Variants in MRTFB observed in about 807,000 individuals in gnomAD.
MRTFB encodes myocardin-related transcription factor B.
In MRTFB, 29 loss-of-function variants were observed where a neutral mutation model predicts 104.2. The observed-to-expected ratio is 0.28, with a 90% CI of 0.21 to 0.38. The LOEUF is 0.38. Among genes scored for constraint, MRTFB ranks in the 10% least tolerant of loss-of-function variants. The probability of loss-of-function intolerance (pLI) is 1.00; values close to 1 mark genes in which losing one functional copy is unlikely to be tolerated. For missense variants in MRTFB, 1,270 were observed against 1,341.6 expected (o/e 0.95, Z 0.83); for synonymous variants, 535 against 519.5 (o/e 1.03, Z -0.41).
intron 3 of MRTFB, among the ~76,000 whole-genome samples, chr16:14,170,644 C>T (rs2150968816): frequency 6.6e-6 from 1 of 152,100 alleles, no homozygotes; most frequent in East Asian, 1.9e-4. Flanking sequence ...AACCATTATA[C>T]ATATATATCA....
At chr16:14,183,184 C>T (rs928010707) in intron 3 of MRTFB, among the ~76,000 whole-genome samples, 4 of 152,150 alleles carry the variant, frequency 2.6e-5, no homozygotes, top group African/African-American at 9.7e-5. Flanking sequence ...TGATAGGATG[C>T]AAAGATTGCA....
In MRTFB at chr16:14,261,506, A is replaced by T; in HGVS notation, c.*62A>T. ...AAGAACATGAAGATTCTAAAAGGTC[A>T]GTTTTTAGAGATAGATCTATAGTTG... On this transcript the variant is annotated 3_prime_UTR_variant, in exon 17 of 17. Transcript: ENST00000571589. 1 of 1,456,286 alleles carries T rather than the reference A, an allele frequency of 6.9e-7. No homozygotes were observed. Among genetic ancestry groups the T allele is most frequent in the Non-Finnish European group, 9.3e-7 (1 of 1,077,748 alleles). 90.2% of individuals were successfully genotyped at this position (1,456,286 alleles called of 1,614,324 possible).
At chr16:14,255,344 G>A (rs1314825541) in intron 15 of MRTFB, among the ~76,000 whole-genome samples, 1 of 152,194 alleles carries the variant, frequency 6.6e-6, no homozygotes, top group South Asian at 2.1e-4. Flanking sequence ...TCAAATTGTT[G>A]ACAAGACAGA....
At chr16:14,043,382 G>T in the MRTFB span, among the ~76,000 whole-genome samples, 3 of 151,662 alleles carry the variant, frequency 2.0e-5, no homozygotes, top group Admixed American at 2.0e-4. Flanking sequence ...AGAATGTGTG[G>T]TTAACACTCC....
intron 3 of MRTFB, among the ~76,000 whole-genome samples, chr16:14,182,633 T>C (rs998046656): frequency 6.6e-6 from 1 of 152,156 alleles, no homozygotes; most frequent in African/African-American, 2.4e-5. Flanking sequence ...CTGGGAACAG[T>C]GACACCCTTG....
At chr16:14,238,803 A>G (rs756822702) in intron 9 of MRTFB, among the ~76,000 whole-genome samples, 3 of 152,222 alleles carry the variant, frequency 2.0e-5, no homozygotes, top group Non-Finnish European at 4.4e-5. Flanking sequence ...TTAACAACCA[A>G]TCATTTCCAA....
intron 2 of MRTFB, among the ~76,000 whole-genome samples, chr16:14,081,817 GC>G (rs1262892594): frequency 1.4e-5 from 2 of 145,986 alleles, no homozygotes; most frequent in Non-Finnish European, 3.0e-5. Flanking sequence ...CTGGGCTCAA[GC>G]AGTCCACCCG....
intron 8 of MRTFB, among the ~76,000 whole-genome samples, chr16:14,220,307 T>C (rs973729617): frequency 1.3e-5 from 2 of 152,198 alleles, no homozygotes; most frequent in African/African-American, 4.8e-5. Context: ...GTTACACTTA[T>C]CCATTTGGGT....
chr16:14,195,671 A>C (rs754759609), intron 3 of MRTFB: 2 of 537,836 alleles, frequency 3.7e-6, no homozygotes, highest in Non-Finnish European at 4.7e-6. Flanking sequence ...ACGCATTTGT[A>C]TTAAGAAACA....
chr16:14,067,595 C>A (rs2033537359), upstream of MRTFB, among the ~76,000 whole-genome samples: 2 of 152,038 alleles, frequency 1.3e-5, no homozygotes, highest in Non-Finnish European at 2.9e-5. Context: ...TTATTTTTGC[C>A]TATGAAGTGA....
chr16:14,161,012 G>C (rs1273185566), intron 3 of MRTFB, among the ~76,000 whole-genome samples: 1 of 147,728 alleles, frequency 6.8e-6, no homozygotes, highest in Non-Finnish European at 1.5e-5. Context: ...CAAGATCTGA[G>C]AAATAGACAT....
chr16:14,200,828 T>C, intron 3 of MRTFB: 1 of 1,470,208 alleles, frequency 6.8e-7, no homozygotes, highest in South Asian at 1.1e-5. Flanking sequence ...GCGGTGGTTA[T>C]CGTGGGTGTG....
At position 14,197,062 on chromosome 16, in the gene MRTFB, C is replaced by T. The variant is rs558496146; in HGVS notation, c.155-13181C>T. Among the ~76,000 whole-genome samples the T allele has an allele frequency of 8.0e-5, 12 of 150,326 alleles. No homozygotes were observed. In the East Asian group the frequency reaches 9.8e-4, roughly 12 times the overall value. On this transcript the variant is annotated intron_variant, in intron 3 of 16. Coordinates refer to ENST00000571589, the MANE Select transcript of MRTFB (RefSeq NM_001308142.2). ...GCGGCTCACTACAACCTCTGCCTCCCGGGTTCAAGCGATCCCCACCCCACC... is the reference window on the plus strand; with the variant it reads ...GCGGCTCACTACAACCTCTGCCTCCTGGGTTCAAGCGATCCCCACCCCACC...
chr16:14,082,842 A>C (rs1000450459), intron 2 of MRTFB, among the ~76,000 whole-genome samples: 1 of 152,132 alleles, frequency 6.6e-6, no homozygotes, highest in African/African-American at 2.4e-5. Flanking sequence ...TTGGCTGTTC[A>C]TATCCTTTGG....
At chr16:14,232,411 G>C (rs1269797282) in intron 8 of MRTFB, among the ~76,000 whole-genome samples, 1 of 152,230 alleles carries the variant, frequency 6.6e-6, no homozygotes, top group South Asian at 2.1e-4. Flanking sequence ...TATGAGGCTT[G>C]GTTGGTCGGA....
chr16:14,135,481 G>T (rs942961218), intron 2 of MRTFB, among the ~76,000 whole-genome samples: 12 of 152,202 alleles, frequency 7.9e-5, no homozygotes, highest in African/African-American at 2.9e-4. Context: ...CTAGCCATAG[G>T]CTATGCCCTG....
intron 2 of MRTFB, among the ~76,000 whole-genome samples, chr16:14,122,628 G>A (rs2036909777): frequency 6.6e-6 from 1 of 152,124 alleles, no homozygotes; most frequent in Admixed American, 6.5e-5. Flanking sequence ...CCTTTTTTAT[G>A]GCTGCATAGT....
At position 14,213,543 on chromosome 16, in the gene MRTFB, A is replaced by T; in HGVS notation, c.277-2A>T. 1 of 1,590,352 alleles carries T rather than the reference A, an allele frequency of 6.3e-7. No individual in the cohort carries two copies. The highest frequency in any genetic ancestry group is 1.8e-5 in the Admixed American group (1 of 55,262). On this transcript the variant is annotated splice_acceptor_variant, in intron 5 of 16. Coordinates refer to ENST00000571589, the MANE Select transcript of MRTFB (RefSeq NM_001308142.2). LOFTEE classifies it high-confidence loss of function. ...ATGGTAAGACTTTTTTTCTTTTTAA[A>T]GACTGAAAACTTTTTGAAACACAAG...
chr16:14,081,734 C>T (rs551661341), intron 2 of MRTFB, among the ~76,000 whole-genome samples: 15 of 152,108 alleles, frequency 9.9e-5, no homozygotes, highest in Admixed American at 4.6e-4. Context: ...CACATGCCAC[C>T]ACACTCTGCC....
Sources: gnomAD v4.1 joint callset for allele counts (sites outside exome capture counted in the v4.1 genomes callset) on GRCh38, gnomAD v4.1.1 for gene constraint, MANE v1.5 for transcripts, NCBI Gene and HGNC (gene_info 2026-07-23, HGNC 2026-07-21) for gene names.